Variants in STAB2 observed in about 807,000 individuals in gnomAD.
STAB2 encodes stabilin 2, also known as stabilin-2.
A neutral mutation model predicts 338.1 loss-of-function variants in STAB2; 288 were observed. The ratio of observed to expected loss-of-function variants is 0.85; its 90% CI spans 0.77 to 0.94. STAB2 has a LOEUF of 0.94. Among genes scored for constraint, STAB2 ranks in the 40% least tolerant of loss-of-function variants. The pLI is 0.00. For missense variants in STAB2, 3,141 were observed against 3,210.1 expected, an observed-to-expected ratio of 0.98 and a Z score of 0.52; for synonymous variants, 1,202 against 1,193.3, an observed-to-expected ratio of 1.01 and a Z score of -0.15.
intron 12 of STAB2, 46 bp from the exon 13 acceptor site, chr12:103,654,509 C>A: frequency 6.3e-7 from 1 of 1,588,870 alleles, no homozygotes; most frequent in Non-Finnish European, 8.6e-7. Flanking sequence ...CTTGCTCCTT[C>A]CAGGACACCA....
chr12:103,613,275 G>A (rs1022497850), intron 3 of STAB2, among the ~76,000 whole-genome samples: 1 of 152,190 alleles, frequency 6.6e-6, no homozygotes, highest in African/African-American at 2.4e-5. Flanking sequence ...GCTATGCCCT[G>A]CCCACAGAGG....
intron 8 of STAB2, among the ~76,000 whole-genome samples, chr12:103,639,704 CAAAAAAAAAAAAAA>C: frequency 1.1e-5 from 1 of 92,280 alleles, no homozygotes; most frequent in African/African-American, 4.5e-5. Context: ...GACCCTGTCT[CAAAAAAAAAAAAAA>C]AAAAAAAACA....
chr12:103,627,955 T>C (rs1565970654), intron 5 of STAB2, among the ~76,000 whole-genome samples: 1 of 152,186 alleles, frequency 6.6e-6, no homozygotes, highest in African/African-American at 2.4e-5. Context: ...TAGTGCCTAA[T>C]ACAGTGCCTG....
In STAB2 at chr12:103,655,257, A is replaced by G. The variant is rs1874093482; in HGVS notation, c.1558A>G (p.Ile520Val). The G allele has an allele frequency of 4.3e-6, 7 of 1,612,214 alleles. No individual in the cohort carries two copies. The highest frequency in any genetic ancestry group is 3.4e-6 in the Non-Finnish European group (4 of 1,179,458). ...GCAAAATGTCTCTTTTTAGCAAACCATAATGACAATGCTACAACCAAGGTA... is the reference window on the plus strand; with the variant it reads ...GCAAAATGTCTCTTTTTAGCAAACCGTAATGACAATGCTACAACCAAGGTA... ...PTFESNNEQT[I>V]MTMLQPRYSK... The change falls in exon 14 of 69, where the codon ATA (isoleucine) becomes GTA (valine). Residue 520 changes from isoleucine (I) to valine (V), a missense_variant. Physicochemically the swap from Ile to Val is conservative, Grantham distance 29 (BLOSUM62 3). Coordinates refer to ENST00000388887, the MANE Select transcript of STAB2 (RefSeq NM_017564.10).
chr12:103,760,868 G>GA (rs1186064922), intron 65 of STAB2, among the ~76,000 whole-genome samples: 10 of 152,232 alleles, frequency 6.6e-5, no homozygotes, highest in Non-Finnish European at 1.5e-4. Flanking sequence ...TTCAGCAGGG[G>GA]AGAAGGCACA....
At chr12:103,692,349 A>G (rs1292634211) in intron 30 of STAB2, among the ~76,000 whole-genome samples, 1 of 152,078 alleles carries the variant, frequency 6.6e-6, no homozygotes. Context: ...TAAAGTCATC[A>G]TCTGAGGTAC....
chr12:103,677,748 A>C, intron 25 of STAB2, 137 bp downstream of exon 25: 14 of 1,044,088 alleles, frequency 1.3e-5, no homozygotes, highest in South Asian at 2.3e-5. Flanking sequence ...ACATGGGTTC[A>C]TTGCCACAAC....
At chr12:103,699,282 G>T in intron 34 of STAB2, 55 bp downstream of exon 34, 1 of 1,565,222 alleles carries the variant, frequency 6.4e-7, no homozygotes, top group African/African-American at 1.4e-5. Flanking sequence ...ACATCAGGGA[G>T]AGTATGAGGA....
rs995585930 is a variant in STAB2 at position 103,766,568 on chromosome 12, A to T, written c.*232A>T. The T allele has an allele frequency of 5.8e-6, 3 of 516,504 alleles. No homozygotes were observed. The highest frequency in any genetic ancestry group is 1.0e-5 in the Non-Finnish European group (3 of 286,286). 32.0% of individuals were successfully genotyped at this position (516,504 alleles called of 1,614,324 possible). Reference sequence around the variant, plus strand: ...TGGCTCTTCTTCCTTTGTACTCTTCAGCTGGCACCTGCTCCATTCTGCCCT... The same window carrying T: ...TGGCTCTTCTTCCTTTGTACTCTTCTGCTGGCACCTGCTCCATTCTGCCCT... On this transcript the variant is annotated 3_prime_UTR_variant, in exon 69 of 69. Coordinates refer to ENST00000388887, the MANE Select transcript of STAB2 (RefSeq NM_017564.10).
At chr12:103,685,461 C>CGT (rs371511016) in intron 27 of STAB2, among the ~76,000 whole-genome samples, 3 of 108,100 alleles carry the variant, frequency 2.8e-5, no homozygotes, top group Non-Finnish European at 4.3e-5. Context: ...TGTGCGCGTG[C>CGT]GTGTGTGTGT....
At chr12:103,623,455 G>A (rs1957334649) in intron 5 of STAB2, among the ~76,000 whole-genome samples, 2 of 152,138 alleles carry the variant, frequency 1.3e-5, no homozygotes, top group South Asian at 4.1e-4. Context: ...TAATCACAGG[G>A]GTCCTTAAGG....
intron 51 of STAB2, among the ~76,000 whole-genome samples, chr12:103,734,095 C>T (rs1881884113): frequency 7.0e-6 from 1 of 143,042 alleles, no homozygotes; most frequent in African/African-American, 2.6e-5. Flanking sequence ...TGGGAGCATG[C>T]AGTCTTATAG....
rs147547637 is a variant in STAB2, at chr12:103,637,044, G to A, written c.584-67G>A. ...TTGCTTTTTAATAAAAGGGAATACT[G>A]CAGTTTGGGGGTCTTAAGAACTGGT... On this transcript the variant is annotated intron_variant, in intron 6 of 68. Coordinates refer to ENST00000388887, the MANE Select transcript of STAB2 (RefSeq NM_017564.10). The A allele has an allele frequency of 6.8e-4, 1,004 of 1,474,292 alleles. 4 individuals are homozygous for A. The African/African-American group carries it at 0.013, about 20-fold the overall frequency. 91.3% of individuals were successfully genotyped at this position (1,474,292 alleles called of 1,614,324 possible).
rs758868186 is a variant in STAB2 at position 103,717,819 on chromosome 12, C to G, written c.4661C>G (p.Thr1554Arg). 13 of 1,613,982 alleles carry G rather than the reference C, an allele frequency of 8.1e-6. No homozygotes were observed. The South Asian group carries it at 1.4e-4, about 18-fold the overall frequency. ...PAYTGDGKVC[T>R]LINVCLTKNG... ...TACACTGGAGATGGAAAGGTCTGCA[C>G]ACTCATCAATGTCTGCTTAACTGTG... The change falls in exon 44 of 69, where the codon ACA (threonine) becomes AGA (arginine). Residue 1554 changes from threonine to arginine, a missense_variant. Coordinates refer to ENST00000388887, the MANE Select transcript of STAB2 (RefSeq NM_017564.10).
At chr12:103,735,111 T>G (rs1882005648) in intron 51 of STAB2, among the ~76,000 whole-genome samples, 1 of 152,194 alleles carries the variant, frequency 6.6e-6, no homozygotes, top group African/African-American at 2.4e-5. Context: ...GGGTCAGGAC[T>G]TCAACATAAC....
chr12:103,623,793 A>T (rs914387515), intron 5 of STAB2, among the ~76,000 whole-genome samples: 1 of 152,084 alleles, frequency 6.6e-6, no homozygotes, highest in African/African-American at 2.4e-5. Flanking sequence ...AAGTGGGGAG[A>T]GTTTTTCACT....
rs1470020500 is a variant in STAB2 at position 103,655,535 on chromosome 12, T to C, written c.1688T>C (p.Leu563Ser). 6.2e-7 allele frequency: 1 copy of C among 1,613,964 alleles called. No individual in the cohort carries two copies. The highest frequency in any genetic ancestry group is 1.7e-5 in the Admixed American group (1 of 59,982). Residue 563 changes from leucine (L) to serine (S), a missense_variant, in exon 15 of 69, where the codon TTG becomes TCG. Coordinates refer to ENST00000388887, the MANE Select transcript of STAB2 (RefSeq NM_017564.10). The part of the protein sequence containing the change: ...YTIFVPNNEA[L>S]NNMKDGTLDY... ...ATTTTTGTTCCAAATAATGAAGCATTGAATAACATGAAGGACGGCACTCTC... is the reference window on the plus strand; with the variant it reads ...ATTTTTGTTCCAAATAATGAAGCATCGAATAACATGAAGGACGGCACTCTC...
At chr12:103,686,786 C>T (rs1205112167) in intron 27 of STAB2, among the ~76,000 whole-genome samples, 1 of 152,204 alleles carries the variant, frequency 6.6e-6, no homozygotes, top group Non-Finnish European at 1.5e-5. Context: ...AGCCACCATG[C>T]CCAGCCCACT....
chr12:103,673,137 A>G (rs968292150), intron 22 of STAB2, among the ~76,000 whole-genome samples: 1 of 152,184 alleles, frequency 6.6e-6, no homozygotes, highest in African/African-American at 2.4e-5. Flanking sequence ...AAACAAACAT[A>G]TTAGCTACTT....
Sources: gnomAD v4.1 joint callset for allele counts (sites outside exome capture counted in the v4.1 genomes callset) on GRCh38, gnomAD v4.1.1 for gene constraint, MANE v1.5 for transcripts, NCBI Gene and HGNC (gene_info 2026-07-23, HGNC 2026-07-21) for gene names.